The following XPO5 variants were observed in gnomAD, a reference collection of about 807,000 sequenced individuals.
XPO5 encodes the protein exportin-5.
XPO5 carries 46 observed loss-of-function variants against 160.6 expected under a neutral mutation model. That is an observed-to-expected ratio of 0.29 (90% confidence interval 0.23 to 0.37). The LOEUF (loss-of-function observed/expected upper bound fraction) is 0.37, where lower values mean the gene tolerates loss of function less well. XPO5 is among the 10% of genes least tolerant of loss of function. XPO5 has a pLI of 1.00. For missense variants in XPO5, 1,090 were observed against 1,463.9 expected, an observed-to-expected ratio of 0.74 and a Z score of 4.17; for synonymous variants, 537 against 519.3, an observed-to-expected ratio of 1.03 and a Z score of -0.46.
At chr6:43,525,438 T>C in intron 28 of XPO5, 1 of 545,626 alleles carries the variant, frequency 1.8e-6, no homozygotes. Context: ...ATGCCTGGCT[T>C]AGGAGCTGGA....
In XPO5 at chr6:43,524,963, C is replaced by G; in HGVS notation, c.3180G>C (p.Leu1060=). The change falls in exon 30 of 32, where the codon CTG becomes CTC. Residue 1060 remains leucine, a synonymous_variant. Coordinates refer to ENST00000265351, the MANE Select transcript of XPO5 (RefSeq NM_020750.3). The part of the protein sequence containing the change: ...QLCWPLLKQV[L]SGTLLADAVT... ...CTGCATCTGCGAGCAGTGTCCCTGA[C>G]AGCACCTGGGGAGACAACTGTGCTT... The G allele has an allele frequency of 6.2e-7, 1 of 1,613,170 alleles. No homozygotes were observed. Among genetic ancestry groups the G allele is most frequent in the Middle Eastern group, 1.6e-4 (1 of 6,062 alleles).
intron 21 of XPO5, 148 bp downstream of exon 21, chr6:43,533,759 C>G: frequency 2.2e-6 from 1 of 455,424 alleles, no homozygotes. Flanking sequence ...TGCTTGAGTC[C>G]AAGAGTTTGA....
chr6:43,549,568 G>T lies in XPO5; in HGVS notation c.1781C>A (p.Thr594Asn). The T allele has an allele frequency of 6.2e-7, 1 of 1,613,104 alleles. No homozygotes were observed. The highest frequency in any genetic ancestry group is 2.2e-5 in the East Asian group (1 of 44,844). ...ETVEESKAPR[T>N]RAVRNVRRHA... ...CCTCCTCACATTCCTCACTGCCCGG[G>T]TTCTGGGGGCCTGAAAAGAGACATT... is the stretch of plus-strand genomic sequence containing the variant. Residue 594 changes from threonine to asparagine, a missense_variant, in exon 17 of 32, where the codon ACC (threonine) becomes AAC (asparagine). Transcript: ENST00000265351.
intron 20 of XPO5, among the ~76,000 whole-genome samples, chr6:43,540,959 A>G (rs1794660144): frequency 6.6e-6 from 1 of 152,204 alleles, no homozygotes. Flanking sequence ...AACAATATGG[A>G]TAGCACTGGA....
intron 11 of XPO5, among the ~76,000 whole-genome samples, chr6:43,559,527 T>C (rs1762296316): frequency 6.6e-6 from 1 of 152,174 alleles, no homozygotes; most frequent in African/African-American, 2.4e-5. Flanking sequence ...TCACTTGGCC[T>C]CCAGAAGCAA....
At chr6:43,542,147 A>AT (rs936344999) in intron 20 of XPO5, among the ~76,000 whole-genome samples, 2 of 152,036 alleles carry the variant, frequency 1.3e-5, no homozygotes, top group African/African-American at 4.8e-5. Flanking sequence ...AGTCATTTTT[A>AT]TTTTTTAATT....
Position 43,547,687 on chromosome 6 carries a change from G to A in XPO5, c.2081C>T (p.Ala694Val). ...ATCTGTACCCACATACGCAATGAAA[G>A]CATCAACATCTGACAGCACTCTGAA... ...DMHRVLSDVD[A>V]FIAYVGTDQK... is the part of the protein sequence containing the mutation. The change falls in exon 19 of 32, where the codon GCT (alanine) becomes GTT (valine). Residue 694 changes from alanine to valine, a missense_variant. Ala to Val is a moderately conservative substitution (Grantham distance 64). This residue lies in a region of XPO5 where 810 missense variants were observed against 1,139.0 expected (regional missense o/e 0.71). Coordinates refer to ENST00000265351, the MANE Select transcript of XPO5 (RefSeq NM_020750.3). 1 of 1,613,952 alleles carries A rather than the reference G, an allele frequency of 6.2e-7. No individual in the cohort carries two copies. Among genetic ancestry groups the A allele is most frequent in the Non-Finnish European group, 8.5e-7 (1 of 1,179,874 alleles).
intron 12 of XPO5, chr6:43,556,186 G>C: frequency 4.1e-6 from 2 of 483,654 alleles, no homozygotes. Context: ...GCTAGATCCT[G>C]TAAGTGGCAA....
In XPO5 at chr6:43,523,837, A is replaced by G. The variant is rs1173149619; in HGVS notation, c.*31T>C. On this transcript the variant is annotated 3_prime_UTR_variant, in exon 32 of 32. Coordinates refer to ENST00000265351, the MANE Select transcript of XPO5 (RefSeq NM_020750.3). ...CAAAGGGAAAGAAGAGATGACAAGA[A>G]AGGCCGAGGAAGGATGCCCAAAAGC... The G allele has an allele frequency of 1.2e-6, 2 of 1,613,980 alleles. No homozygotes were observed. The highest frequency in any genetic ancestry group is 1.7e-5 in the Admixed American group (1 of 60,032).
At chr6:43,552,958 T>C (rs183127215) in intron 14 of XPO5, among the ~76,000 whole-genome samples, 3 of 152,252 alleles carry the variant, frequency 2.0e-5, no homozygotes, top group African/African-American at 7.2e-5. Flanking sequence ...GTATGCTATT[T>C]AGCCTCTCTA....
At chr6:43,566,811 T>TAAAAAAAA (rs56147929) in intron 7 of XPO5, among the ~76,000 whole-genome samples, 2 of 101,672 alleles carry the variant, frequency 2.0e-5, no homozygotes, top group African/African-American at 3.7e-5. Context: ...CTGTTTCAAT[T>TAAAAAAAA]AAAAAAAAAA....
At chr6:43,525,045 TAGTC>T (rs1232633890) in intron 29 of XPO5, 58 bp downstream of exon 29, 20 of 1,581,356 alleles carry the variant, frequency 1.3e-5, no homozygotes, top group Non-Finnish European at 1.5e-5. Context: ...CTGAATGATT[TAGTC>T]AGTCTGCATG....
chr6:43,549,655 CTCAG>C, intron 16 of XPO5, 77 bp from the exon 17 acceptor site: 1 of 1,500,968 alleles, frequency 6.7e-7, no homozygotes, highest in East Asian at 2.3e-5. Flanking sequence ...ATGTGAATAT[CTCAG>C]TCAGGGGCAA....
chr6:43,573,940 CA>C (rs1337260343), intron 1 of XPO5, among the ~76,000 whole-genome samples: 1 of 151,348 alleles, frequency 6.6e-6, no homozygotes, highest in East Asian at 1.9e-4. Flanking sequence ...TCTCCTGCCT[CA>C]GCCTCCTGAG....
At chr6:43,562,473 G>T in intron 8 of XPO5, 127 bp from the exon 9 acceptor site, 1 of 735,104 alleles carries the variant, frequency 1.4e-6, no homozygotes, top group Non-Finnish European at 2.2e-6. Context: ...CAATAGCTTT[G>T]CTAAATTAAA....
chr6:43,533,771 C>A (rs1326621003), intron 21 of XPO5, 136 bp downstream of exon 21: 5 of 507,154 alleles, frequency 9.9e-6, no homozygotes, highest in Admixed American at 3.4e-5. Flanking sequence ...AGAGTTTGAG[C>A]CTACAGTGAG....
chr6:43,532,678 G>A (rs140573682), intron 21 of XPO5, among the ~76,000 whole-genome samples: 1 of 152,248 alleles, frequency 6.6e-6, no homozygotes, highest in Non-Finnish European at 1.5e-5. Context: ...CATCCTTCAA[G>A]TCCCCATTGG....
At position 43,523,469 on chromosome 6, in the gene XPO5, T is replaced by C. The variant is rs1793326735; in HGVS notation, c.*399A>G. On this transcript the variant is annotated 3_prime_UTR_variant, in exon 32 of 32. Transcript: ENST00000265351. ...AACTCTGGCACAAGTAGTTGAGGGC[T>C]GTGCTCTTGCTGCGAGCCTTGCTAG... is the stretch of plus-strand genomic sequence containing the variant. 2 of 359,238 alleles carry C rather than the reference T, an allele frequency of 5.6e-6. No individual in the cohort carries two copies. The highest frequency in any genetic ancestry group is 7.2e-5 in the East Asian group (1 of 13,934). 22.3% of individuals were successfully genotyped at this position (359,238 alleles called of 1,614,324 possible). A position where few individuals can be genotyped will look rare whatever the true frequency, so the allele number is the denominator to read the frequency against.
In XPO5 at chr6:43,522,737, A is replaced by G. The variant is rs1415933795; in HGVS notation, c.*1131T>C. 2.0e-6 allele frequency: 1 copy of G among 499,184 alleles called. No homozygotes were observed. Among genetic ancestry groups the G allele is most frequent in the Admixed American group, 2.0e-5 (1 of 49,440 alleles). The allele number at this position is 499,184 out of a possible 1,614,324, so 30.9% of individuals were successfully genotyped here. On this transcript the variant is annotated 3_prime_UTR_variant, in exon 32 of 32. Coordinates refer to ENST00000265351, the MANE Select transcript of XPO5 (RefSeq NM_020750.3). ...CTCTTGTCAGTGGACTGGATGGACA[A>G]CAGGTCTGTTTTTGTGCAGAGCACA...
Sources: allele counts gnomAD v4.1 joint callset (sites outside exome capture counted in the v4.1 genomes callset), GRCh38; gene constraint gnomAD v4.1.1; regional missense constraint gnomAD v4.1.1; transcripts MANE v1.5; gene names NCBI Gene and HGNC (gene_info 2026-07-23, HGNC 2026-07-21).